Variants in ZSWIM6 observed in about 807,000 individuals in gnomAD.
The protein encoded by ZSWIM6 is zinc finger SWIM-type containing 6, also known as zinc finger SWIM domain-containing protein 6.
Under a neutral mutation model 113.2 loss-of-function variants are expected in ZSWIM6, and 9 were observed. The ratio of observed to expected loss-of-function variants is 0.08; its 90% CI spans 0.05 to 0.14. The LOEUF (loss-of-function observed/expected upper bound fraction) is 0.14. ZSWIM6 is among the 10% of genes least tolerant of loss of function. The pLI, the probability that ZSWIM6 is intolerant of heterozygous loss-of-function variation, is 1.00. For missense variants in ZSWIM6, 1,162 were observed against 1,552.2 expected (o/e 0.75, Z 4.22); for synonymous variants, 611 against 606.5 (o/e 1.01, Z -0.11).
intron 1 of ZSWIM6, among the ~76,000 whole-genome samples, chr5:61,340,053 T>C (rs1336895593): frequency 6.6e-6 from 1 of 152,224 alleles, no homozygotes; most frequent in Non-Finnish European, 1.5e-5. Context: ...AACCTGGTTG[T>C]CTTTTCAGTT....
At chr5:61,523,233 C>G (rs1749181360) in intron 5 of ZSWIM6, among the ~76,000 whole-genome samples, 3 of 152,064 alleles carry the variant, frequency 2.0e-5, no homozygotes, top group African/African-American at 7.2e-5. Flanking sequence ...TTGTGGTGGC[C>G]AATAGAGTCC....
chr5:61,338,116 A>G (rs1336074259), intron 1 of ZSWIM6, among the ~76,000 whole-genome samples: 1 of 151,850 alleles, frequency 6.6e-6, no homozygotes, highest in Non-Finnish European at 1.5e-5. Flanking sequence ...ACATTCTGGT[A>G]AACACATTCT....
At chr5:61,529,667 C>T (rs1449924479) in intron 7 of ZSWIM6, among the ~76,000 whole-genome samples, 1 of 152,144 alleles carries the variant, frequency 6.6e-6, no homozygotes, top group East Asian at 1.9e-4. Flanking sequence ...ATGCCCCCTC[C>T]TAGGGAAGTG....
At chr5:61,542,500 C>A (rs1225910842) in intron 13 of ZSWIM6, among the ~76,000 whole-genome samples, 1 of 152,182 alleles carries the variant, frequency 6.6e-6, no homozygotes, top group Admixed American at 6.5e-5. Context: ...AGAATGCCAA[C>A]AGAAACAAAT....
intron 12 of ZSWIM6, 107 bp from the exon 13 acceptor site, chr5:61,541,777 G>T (rs1180489910): frequency 4.8e-6 from 4 of 838,170 alleles, no homozygotes; most frequent in Non-Finnish European, 5.6e-6. Context: ...CATCTTCCTG[G>T]TGGTAGACAG....
At chr5:61,342,854 A>G (rs1744576544) in intron 1 of ZSWIM6, among the ~76,000 whole-genome samples, 1 of 152,154 alleles carries the variant, frequency 6.6e-6, no homozygotes, top group South Asian at 2.1e-4. Context: ...TGTTACGCAA[A>G]TAATCTCCAG....
chr5:61,442,654 A>G (rs1380117775), intron 1 of ZSWIM6, among the ~76,000 whole-genome samples: 1 of 152,210 alleles, frequency 6.6e-6, no homozygotes, highest in Non-Finnish European at 1.5e-5. Context: ...GCTGGAACCT[A>G]TCACAAGGCC....
intron 1 of ZSWIM6, among the ~76,000 whole-genome samples, chr5:61,449,281 A>G (rs559284209): frequency 7.2e-5 from 11 of 152,366 alleles, no homozygotes; most frequent in Admixed American, 3.9e-4. Flanking sequence ...AAGAGGTCAC[A>G]CATTGACTTT....
chr5:61,382,358 A>G (rs2112082003), intron 1 of ZSWIM6, among the ~76,000 whole-genome samples: 1 of 152,338 alleles, frequency 6.6e-6, no homozygotes, highest in South Asian at 2.1e-4. Context: ...CTTAAGATGC[A>G]TTTTTATTTA....
At chr5:61,381,793 T>C (rs1393297291) in intron 1 of ZSWIM6, among the ~76,000 whole-genome samples, 1 of 152,194 alleles carries the variant, frequency 6.6e-6, no homozygotes, top group Non-Finnish European at 1.5e-5. Context: ...GTGGAGTGAA[T>C]AGATCCCTCC....
intron 1 of ZSWIM6, among the ~76,000 whole-genome samples, chr5:61,466,143 C>T (rs906529972): frequency 6.6e-6 from 1 of 151,932 alleles, no homozygotes; most frequent in Non-Finnish European, 1.5e-5. Flanking sequence ...TTTTTAATAT[C>T]GATTATTGTA....
chr5:61,466,344 T>C (rs1489362561), intron 1 of ZSWIM6, among the ~76,000 whole-genome samples: 6 of 152,162 alleles, frequency 3.9e-5, no homozygotes, highest in Admixed American at 3.9e-4. Context: ...CACTTTTGCA[T>C]TTTTAGACTT....
chr5:61,526,420 C>T lies in ZSWIM6; in HGVS notation c.1837+24C>T, dbSNP rs190475981. 3.0e-3 allele frequency: 4,727 copies of T among 1,551,204 alleles called. 18 individuals are homozygous for T. The highest frequency in any genetic ancestry group is 3.1e-3 in the Non-Finnish European group (3,563 of 1,146,718). On this transcript the variant is annotated intron_variant, in intron 7 of 13. Coordinates refer to ENST00000252744, the MANE Select transcript of ZSWIM6 (RefSeq NM_020928.2). ...AGGTGAATGTGAAGGAGTTTGTTTC[C>T]ATTGGAATGGGATTCTTAGTGATGA... is the stretch of plus-strand genomic sequence containing the variant.
chr5:61,425,014 G>A (rs1386139377), intron 1 of ZSWIM6, among the ~76,000 whole-genome samples: 2 of 151,992 alleles, frequency 1.3e-5, no homozygotes, highest in Non-Finnish European at 1.5e-5. Context: ...CACTGCGCCC[G>A]GCACTAATCT....
intron 3 of ZSWIM6, among the ~76,000 whole-genome samples, chr5:61,491,995 A>C (rs1473668203): frequency 6.6e-6 from 1 of 152,080 alleles, no homozygotes; most frequent in Non-Finnish European, 1.5e-5. Flanking sequence ...TACTTTACAC[A>C]TGATTTAAGC....
intron 1 of ZSWIM6, among the ~76,000 whole-genome samples, chr5:61,352,382 T>G (rs1045728606): frequency 1.3e-5 from 2 of 152,266 alleles, no homozygotes; most frequent in Non-Finnish European, 2.9e-5. Flanking sequence ...TATCCATGGC[T>G]ATCAGTATAA....
At chr5:61,432,144 T>C (rs1746596854) in intron 1 of ZSWIM6, among the ~76,000 whole-genome samples, 1 of 152,248 alleles carries the variant, frequency 6.6e-6, no homozygotes, top group African/African-American at 2.4e-5. Flanking sequence ...TTTGTTCTAA[T>C]ACAACAGGCT....
chr5:61,504,413 T>C (rs1481655739), intron 4 of ZSWIM6, among the ~76,000 whole-genome samples: 1 of 152,226 alleles, frequency 6.6e-6, no homozygotes, highest in Non-Finnish European at 1.5e-5. Context: ...CATGAAGCAC[T>C]TGTCAAGACC....
chr5:61,340,863 G>A (rs1363666104), intron 1 of ZSWIM6, among the ~76,000 whole-genome samples: 2 of 152,188 alleles, frequency 1.3e-5, no homozygotes, highest in African/African-American at 4.8e-5. Context: ...TGGCTGCAGT[G>A]CAGTAGTGGT....
Sources: gnomAD v4.1 joint callset for allele counts (sites outside exome capture counted in the v4.1 genomes callset) on GRCh38, gnomAD v4.1.1 for gene constraint, MANE v1.5 for transcripts, NCBI Gene and HGNC (gene_info 2026-07-23, HGNC 2026-07-21) for gene names.